DOCK2: variants seen among roughly 807,000 people sequenced by gnomAD.
The protein encoded by DOCK2 is dedicator of cytokinesis protein 2.
In DOCK2, 87 loss-of-function variants were observed where a neutral mutation model predicts 248.9. The ratio of observed to expected loss-of-function variants is 0.35; its 90% CI spans 0.29 to 0.42. The LOEUF is 0.42. DOCK2 is among the 10% of genes least tolerant of loss of function. The pLI is 1.00. For missense variants in DOCK2, 1,747 were observed against 2,300.2 expected, an observed-to-expected ratio of 0.76 and a Z score of 4.92; for synonymous variants, 805 against 821.6, an observed-to-expected ratio of 0.98 and a Z score of 0.35.
At chr5:169,920,303 G>T (rs557111843) in intron 27 of DOCK2, among the ~76,000 whole-genome samples, 1 of 152,126 alleles carries the variant, frequency 6.6e-6, no homozygotes, top group African/African-American at 2.4e-5. Context: ...ATAATATTAT[G>T]TAAGATGTAA....
chr5:169,959,564 T>A (rs2113741784), intron 27 of DOCK2, among the ~76,000 whole-genome samples: 1 of 152,262 alleles, frequency 6.6e-6, no homozygotes, highest in East Asian at 1.9e-4. Context: ...GAGATTTCTC[T>A]CTCTTTGGAA....
At chr5:169,871,389 AT>A (rs1333521463) in intron 27 of DOCK2, among the ~76,000 whole-genome samples, 1 of 152,240 alleles carries the variant, frequency 6.6e-6, no homozygotes, top group Non-Finnish European at 1.5e-5. Context: ...AAAAATAATA[AT>A]TATGATAAAA....
At chr5:169,924,510 C>G (rs1435441887) in intron 27 of DOCK2, among the ~76,000 whole-genome samples, 2 of 152,186 alleles carry the variant, frequency 1.3e-5, no homozygotes, top group African/African-American at 2.4e-5. Context: ...AATTAGGAAT[C>G]TGAGAATCTT....
At chr5:169,682,230 A>G (rs1759707064) in intron 7 of DOCK2, among the ~76,000 whole-genome samples, 1 of 152,268 alleles carries the variant, frequency 6.6e-6, no homozygotes, top group Non-Finnish European at 1.5e-5. Context: ...TGTGAATCAA[A>G]GTGACTCAGG....
intron 14 of DOCK2, 55 bp downstream of exon 14, chr5:169,702,482 T>A (rs1761032729): frequency 6.2e-7 from 1 of 1,603,408 alleles, no homozygotes; most frequent in Non-Finnish European, 8.5e-7. Context: ...GGCCTCTGCT[T>A]GTAAAGACGT....
Position 169,982,673 on chromosome 5 carries a change from T to C in DOCK2, c.2800-395T>C, listed in dbSNP as rs527762691. Among the ~76,000 whole-genome samples, 25 of 152,338 alleles carry C rather than the reference T, an allele frequency of 1.6e-4. No homozygotes were observed. In the East Asian group the frequency reaches 4.4e-3, roughly 27 times the overall value. On this transcript the variant is annotated intron_variant, in intron 27 of 51. Coordinates refer to ENST00000520908, the MANE Select transcript of DOCK2 (RefSeq NM_004946.3). ...CTACAGATTCCACTGCAGAGAACTT[T>C]AGTGCATTTCAAGGTGCTAAAGGAG...
intron 6 of DOCK2, among the ~76,000 whole-genome samples, chr5:169,674,983 A>G (rs1759250602): frequency 6.6e-6 from 1 of 152,244 alleles, no homozygotes; most frequent in Non-Finnish European, 1.5e-5. Flanking sequence ...CCCACTGATA[A>G]TAACATTATA....
chr5:169,801,165 T>C (rs1457151332), intron 25 of DOCK2, among the ~76,000 whole-genome samples: 1 of 132,158 alleles, frequency 7.6e-6, no homozygotes. Flanking sequence ...TTTTTTTTTT[T>C]TTTTTTTTTT....
chr5:169,982,958 C>T, intron 27 of DOCK2, 110 bp from the exon 28 acceptor site: 1 of 1,007,490 alleles, frequency 9.9e-7, no homozygotes. Flanking sequence ...CATAATAGTA[C>T]TCAGTAAATA....
intron 27 of DOCK2, among the ~76,000 whole-genome samples, chr5:169,855,613 G>A (rs1022319923): frequency 3.9e-5 from 6 of 152,312 alleles, no homozygotes; most frequent in African/African-American, 1.4e-4. Context: ...CTGTGAGGGG[G>A]TGGAAAATGG....
chr5:169,943,138 G>C (rs1473298961), intron 27 of DOCK2, among the ~76,000 whole-genome samples: 1 of 152,176 alleles, frequency 6.6e-6, no homozygotes, highest in Non-Finnish European at 1.5e-5. Flanking sequence ...CCCACACCCA[G>C]GCCATCAATG....
In DOCK2 at chr5:169,698,181, T is replaced by G. The variant is rs1486891239; in HGVS notation, c.980-193T>G. 2.0e-5 allele frequency among the ~76,000 whole-genome samples: 3 copies of G among 152,196 alleles called. No homozygotes were observed. In the East Asian group the frequency reaches 5.8e-4, roughly 29 times the overall value. ...TCCCAGTCTGCTTTGCCTGGAGGTA[T>G]TTGCCCTGGTGCTGCACGCGAGGAA... On this transcript the variant is annotated intron_variant, in intron 10 of 51. Transcript: ENST00000520908.
chr5:169,650,615 G>A (rs972324037), intron 1 of DOCK2, among the ~76,000 whole-genome samples: 8 of 152,224 alleles, frequency 5.3e-5, no homozygotes, highest in Non-Finnish European at 1.2e-4. Flanking sequence ...TTCCAGGGTT[G>A]CTAGAAGTTC....
intron 27 of DOCK2, among the ~76,000 whole-genome samples, chr5:169,858,108 TA>T (rs1336129065): frequency 6.6e-6 from 1 of 152,194 alleles, no homozygotes; most frequent in Non-Finnish European, 1.5e-5. Context: ...ATGTACTCAA[TA>T]ATTTATTTCT....
chr5:169,770,868 T>C (rs1012184050), intron 25 of DOCK2, among the ~76,000 whole-genome samples: 2 of 152,204 alleles, frequency 1.3e-5, no homozygotes, highest in African/African-American at 4.8e-5. Context: ...ATTTCAGGCA[T>C]TGGGTTGTGT....
chr5:169,876,035 G>A (rs949253779), intron 27 of DOCK2, among the ~76,000 whole-genome samples: 1 of 152,170 alleles, frequency 6.6e-6, no homozygotes, highest in African/African-American at 2.4e-5. Context: ...GAGGCTCTAG[G>A]AGAGAAAACA....
At chr5:169,861,192 A>G (rs1039692264) in intron 27 of DOCK2, among the ~76,000 whole-genome samples, 2 of 152,190 alleles carry the variant, frequency 1.3e-5, no homozygotes, top group Non-Finnish European at 2.9e-5. Flanking sequence ...TTAGAAATAT[A>G]TAGAAGCAAT....
At chr5:169,682,973 T>C (rs1047288854) in intron 7 of DOCK2, among the ~76,000 whole-genome samples, 1 of 152,182 alleles carries the variant, frequency 6.6e-6, no homozygotes. Context: ...TTTTGGTCCT[T>C]TTTATTACTG....
At chr5:169,689,551 A>G (rs553454331) in intron 9 of DOCK2, among the ~76,000 whole-genome samples, 1 of 152,228 alleles carries the variant, frequency 6.6e-6, no homozygotes, top group African/African-American at 2.4e-5. Context: ...ATCTCTCCCT[A>G]TCCGTCTCAC....
Sources: gnomAD v4.1 joint callset for allele counts (sites outside exome capture counted in the v4.1 genomes callset) on GRCh38, gnomAD v4.1.1 for gene constraint, MANE v1.5 for transcripts, NCBI Gene and HGNC (gene_info 2026-07-23, HGNC 2026-07-21) for gene names.